SNX27: variants seen among roughly 807,000 people sequenced by gnomAD.
SNX27 encodes sorting nexin 27.
Under a neutral mutation model 71.6 loss-of-function variants are expected in SNX27, and 22 were observed. The observed-to-expected ratio is 0.31, with a 90% CI of 0.22 to 0.44. The LOEUF (loss-of-function observed/expected upper bound fraction) is 0.44. Ranked by LOEUF, SNX27 falls within the 20% of genes least tolerant of loss-of-function variation. The pLI, the probability that SNX27 is intolerant of heterozygous loss-of-function variation, is 1.00. For synonymous variants in SNX27, 269 were observed against 277.2 expected, an observed-to-expected ratio of 0.97 and a Z score of 0.29; for missense variants, 531 against 698.6, an observed-to-expected ratio of 0.76 and a Z score of 2.70.
At chr1:151,675,810 CTTTTTTTTTTTTTTTTTTT>C (rs57260474) in intron 7 of SNX27, 13 of 31,482 alleles carry the variant, frequency 4.1e-4, no homozygotes, top group Non-Finnish European at 7.2e-4. Flanking sequence ...TTCTTTCTTT[CTTTTTTTTTTTTTTTTTTT>C]TTTTTTTTTT....
chr1:151,639,065 G>T lies in SNX27; in HGVS notation c.489G>T (p.Val163=). 6.2e-7 allele frequency: 1 copy of T among 1,614,152 alleles called. No individual in the cohort carries two copies. Among genetic ancestry groups the T allele is most frequent in the South Asian group, 1.1e-5 (1 of 91,072 alleles). ...ATGATTACACAGAAAAGCAAGCAGT[G>T]CCCATATCGGTCCCCAGATACAAAC... ...SFYDYTEKQA[V]PISVPRYKHV... is the part of the protein sequence containing the mutation. The change falls in exon 2 of 12, where the codon GTG becomes GTT. Residue 163 remains valine (V), a synonymous_variant. Coordinates refer to ENST00000458013, the MANE Select transcript of SNX27 (RefSeq NM_001330723.2).
At chr1:151,637,875 G>C (rs1668540159) in intron 1 of SNX27, among the ~76,000 whole-genome samples, 1 of 152,192 alleles carries the variant, frequency 6.6e-6, no homozygotes, top group Admixed American at 6.5e-5. Flanking sequence ...ACTCTAAAGG[G>C]TAGATAAGCT....
In SNX27 at chr1:151,698,069, G is replaced by C. The variant is rs776491321; in HGVS notation, c.*3652G>C. The C allele has an allele frequency of 1.3e-5, 2 of 152,204 alleles. No individual in the cohort carries two copies. Among genetic ancestry groups the C allele is most frequent in the Non-Finnish European group, 2.9e-5 (2 of 68,062 alleles). 9.4% of individuals were successfully genotyped at this position (152,204 alleles called of 1,614,324 possible). On this transcript the variant is annotated 3_prime_UTR_variant, in exon 12 of 12. Coordinates refer to ENST00000458013, the MANE Select transcript of SNX27 (RefSeq NM_001330723.2). ...TACCCTAGGCCTAAACACAGGTACAGATATGTGCATGCTCAGGGCAGCTCC... is the reference window on the plus strand; with the variant it reads ...TACCCTAGGCCTAAACACAGGTACACATATGTGCATGCTCAGGGCAGCTCC...
In SNX27 at chr1:151,659,003, A is replaced by G. The variant is rs959283614; in HGVS notation, c.736+576A>G. Among the ~76,000 whole-genome samples the G allele has an allele frequency of 3.3e-5, 5 of 152,176 alleles. No individual in the cohort carries two copies. The East Asian group carries it at 9.6e-4, about 29-fold the overall frequency. Reference sequence around the variant, plus strand: ...GGTTATATTATCTGCCAGCAAACACATATAGACTCAGCAATATGCTGAATT... The same window carrying G: ...GGTTATATTATCTGCCAGCAAACACGTATAGACTCAGCAATATGCTGAATT... On this transcript the variant is annotated intron_variant, in intron 3 of 11. Transcript: ENST00000458013.
intron 1 of SNX27, among the ~76,000 whole-genome samples, chr1:151,626,000 A>G (rs1165059975): frequency 6.6e-6 from 1 of 151,974 alleles, no homozygotes; most frequent in Non-Finnish European, 1.5e-5. Flanking sequence ...GCAATGGCCC[A>G]CACATGTAAT....
chr1:151,612,777 A>C lies in SNX27; in HGVS notation c.311+265A>C, dbSNP rs1667244483. ...CCCCAGTGCTCCTCCCTGTGCCCCG[A>C]TTACTCTGGGCTCTTCTCCGCCCCT... On this transcript the variant is annotated intron_variant, in intron 1 of 11. Transcript: ENST00000458013. This position sits in a 1 kb window ranked among gnomAD's most constrained non-coding sequence, Gnocchi z 5.2. Among the ~76,000 whole-genome samples the C allele has an allele frequency of 6.6e-6, 1 of 151,460 alleles. No individual in the cohort carries two copies. The highest frequency in any genetic ancestry group is 6.6e-5 in the Admixed American group (1 of 15,240).
chr1:151,692,006 C>T (rs1014298959), intron 8 of SNX27, among the ~76,000 whole-genome samples: 1 of 151,880 alleles, frequency 6.6e-6, no homozygotes, highest in Non-Finnish European at 1.5e-5. Flanking sequence ...TCAAGACCAG[C>T]GTGCGTAACA....
intron 1 of SNX27, among the ~76,000 whole-genome samples, chr1:151,615,295 G>A (rs543487881): frequency 2.0e-5 from 3 of 152,046 alleles, no homozygotes; most frequent in East Asian, 3.9e-4. Flanking sequence ...GATAATTACA[G>A]CCCAAAGCCA....
At chr1:151,641,598 GATAT>G (rs56886589) in intron 2 of SNX27, among the ~76,000 whole-genome samples, 10,800 of 78,846 alleles carry the variant, frequency 0.14, 872 homozygotes, top group African/African-American at 0.22. Context: ...TCCTTTATCA[GATAT>G]ATATATATAT....
intron 10 of SNX27, 185 bp downstream of exon 10, chr1:151,693,224 C>G (rs1671539567): frequency 1.0e-6 from 1 of 972,128 alleles, no homozygotes; most frequent in Non-Finnish European, 1.5e-6. Flanking sequence ...TGGCAATTTC[C>G]TATCCCACTT....
chr1:151,683,615 A>G (rs1382633883), intron 8 of SNX27, among the ~76,000 whole-genome samples, 170 bp downstream of exon 8: 1 of 151,188 alleles, frequency 6.6e-6, no homozygotes, highest in African/African-American at 2.4e-5. Context: ...TCCATTTAAC[A>G]CACAAAGATC....
At chr1:151,626,595 G>C (rs1056743060) in intron 1 of SNX27, among the ~76,000 whole-genome samples, 27 of 152,070 alleles carry the variant, frequency 1.8e-4, no homozygotes, top group African/African-American at 6.5e-4. Context: ...CCAGCTACTT[G>C]GGAGGCTGAG....
rs1304095663 is a variant in SNX27, at chr1:151,696,471, T to TTCTTTCTG, written c.*2061_*2062insGTCTTTCT. 9 of 110,296 alleles carry TTCTTTCTG rather than the reference T, an allele frequency of 8.2e-5. No individual in the cohort carries two copies. The highest frequency in any genetic ancestry group is 3.9e-4 in the African/African-American group (9 of 23,196). 6.8% of individuals were successfully genotyped at this position (110,296 alleles called of 1,614,324 possible). ...CATTGTGAGGCCACTTTTTCTTTCT[T>TTCTTTCTG]TCTTTCTTTCTTTCTTTCTTTCTTT... On this transcript the variant is annotated 3_prime_UTR_variant, in exon 12 of 12. Transcript: ENST00000458013.
In SNX27 at chr1:151,638,941, G is replaced by T. The variant is rs761261632; in HGVS notation, c.365G>T (p.Arg122Leu). 6.2e-7 allele frequency: 1 copy of T among 1,614,088 alleles called. No individual in the cohort carries two copies. Among genetic ancestry groups the T allele is most frequent in the East Asian group, 2.2e-5 (1 of 44,876 alleles). Residue 122 changes from arginine (R) to leucine (L), a missense_variant, in exon 2 of 12, where the codon CGA becomes CTA. Physicochemically the swap from Arg to Leu is moderately radical, Grantham distance 102. Transcript: ENST00000458013. ...ATHKQVVDLI[R>L]AGEKELILTV... The stretch of plus-strand genomic sequence containing the variant: ...CACAAGCAGGTGGTGGACCTGATTC[G>T]AGCAGGCGAGAAGGAATTGATCTTG...
At chr1:151,666,389 C>T (rs1670189561) in intron 6 of SNX27, 1 of 160,008 alleles carries the variant, frequency 6.2e-6, no homozygotes, top group South Asian at 2.0e-4. Flanking sequence ...TTTCTGTTTT[C>T]AGAAGTTAGG....
At chr1:151,614,248 T>C (rs1186616875) in intron 1 of SNX27, 1 of 152,190 alleles carries the variant, frequency 6.6e-6, no homozygotes, top group Non-Finnish European at 1.5e-5. Flanking sequence ...CTCTGTCCTT[T>C]CTGTAAATAG....
chr1:151,671,752 T>G (rs1485908456), intron 7 of SNX27, among the ~76,000 whole-genome samples: 1 of 152,194 alleles, frequency 6.6e-6, no homozygotes, highest in African/African-American at 2.4e-5. Flanking sequence ...TTCCATTTGT[T>G]GGTGTCCTCT....
intron 1 of SNX27, among the ~76,000 whole-genome samples, chr1:151,621,658 A>T (rs1292135231): frequency 6.6e-6 from 1 of 152,214 alleles, no homozygotes; most frequent in Non-Finnish European, 1.5e-5. Context: ...TTTCAATAAG[A>T]TTATTAACTA....
chr1:151,617,960 A>G (rs1414718093), intron 1 of SNX27, among the ~76,000 whole-genome samples: 1 of 141,728 alleles, frequency 7.1e-6, no homozygotes, highest in Non-Finnish European at 1.5e-5. Flanking sequence ...GGCTCAAGTG[A>G]TCCTCCCACC....
Sources: allele counts gnomAD v4.1 joint callset (sites outside exome capture counted in the v4.1 genomes callset), GRCh38; gene constraint gnomAD v4.1.1; non-coding constraint Gnocchi (gnomAD v3.1); transcripts MANE v1.5; gene names NCBI Gene and HGNC (gene_info 2026-07-23, HGNC 2026-07-21).